Variants in ARHGEF28 observed in about 807,000 individuals in gnomAD.
ARHGEF28 encodes Rho guanine nucleotide exchange factor 28.
Under a neutral mutation model 206.6 loss-of-function variants are expected in ARHGEF28, and 152 were observed. The ratio of observed to expected loss-of-function variants is 0.74; its 90% CI spans 0.64 to 0.84. ARHGEF28 has a LOEUF of 0.84. Ranked by LOEUF, ARHGEF28 falls within the 40% of genes least tolerant of loss-of-function variation. The pLI is 0.00. For missense variants in ARHGEF28, 2,028 were observed against 2,073.2 expected, an observed-to-expected ratio of 0.98 and a Z score of 0.42; for synonymous variants, 763 against 776.4, an observed-to-expected ratio of 0.98 and a Z score of 0.29.
At chr5:73,653,032 C>T (rs1744931263) in intron 1 of ARHGEF28, among the ~76,000 whole-genome samples, 2 of 152,214 alleles carry the variant, frequency 1.3e-5, no homozygotes, top group East Asian at 1.9e-4. Flanking sequence ...TTGGCATCAT[C>T]AGCCTAATGG....
At chr5:73,667,138 C>T (rs1746006699) in intron 1 of ARHGEF28, among the ~76,000 whole-genome samples, 1 of 149,362 alleles carries the variant, frequency 6.7e-6, no homozygotes, top group Non-Finnish European at 1.5e-5. Flanking sequence ...GAAAGAAAAC[C>T]TCATTGTGGT....
chr5:73,704,125 A>G (rs552502027), intron 2 of ARHGEF28, among the ~76,000 whole-genome samples: 1 of 152,100 alleles, frequency 6.6e-6, no homozygotes, highest in Non-Finnish European at 1.5e-5. Flanking sequence ...TTTGACTAAG[A>G]CAAGTTGCTG....
rs1350327978 is a variant in ARHGEF28 at position 73,904,075 on chromosome 5, TG to T, written c.4075-144del. On this transcript the variant is annotated intron_variant, in intron 31 of 35. Coordinates refer to ENST00000513042, the MANE Select transcript of ARHGEF28 (RefSeq NM_001177693.2). ...GTTTGATTCTATAGGCTTTTATTTC[TG>T]GGAGGAAACTGAGTCAGTATAGATA... The T allele has an allele frequency of 2.1e-5, 15 of 723,874 alleles. No individual in the cohort carries two copies. The African/African-American group carries it at 2.3e-4, about 11-fold the overall frequency. The allele number at this position is 723,874 out of a possible 1,614,324, so 44.8% of individuals were successfully genotyped here.
intron 2 of ARHGEF28, among the ~76,000 whole-genome samples, chr5:73,736,124 C>G (rs185168552): frequency 1.3e-5 from 2 of 152,232 alleles, no homozygotes; most frequent in South Asian, 2.1e-4. Flanking sequence ...AGAAAATAAT[C>G]TAAAAGAGGT....
chr5:73,745,924 T>A (rs1430940912), intron 2 of ARHGEF28, among the ~76,000 whole-genome samples: 2 of 152,106 alleles, frequency 1.3e-5, no homozygotes, highest in African/African-American at 4.8e-5. Context: ...ACCAGCAATG[T>A]TTACATTATT....
chr5:73,885,332 A>C (rs1761201517), intron 24 of ARHGEF28, among the ~76,000 whole-genome samples: 1 of 152,180 alleles, frequency 6.6e-6, no homozygotes, highest in Non-Finnish European at 1.5e-5. Context: ...GGTCAGACCC[A>C]TCCCTAGAAC....
chr5:73,739,903 C>T (rs1007486113), intron 2 of ARHGEF28, among the ~76,000 whole-genome samples: 3 of 149,590 alleles, frequency 2.0e-5, no homozygotes, highest in African/African-American at 7.3e-5. Flanking sequence ...TGTGATGGCT[C>T]ATGTCTGTAA....
At chr5:73,829,346 C>A (rs1757142066) in intron 9 of ARHGEF28, among the ~76,000 whole-genome samples, 1 of 152,116 alleles carries the variant, frequency 6.6e-6, no homozygotes, top group African/African-American at 2.4e-5. Context: ...AATCTAATTT[C>A]ATTGTTTTGT....
intron 2 of ARHGEF28, among the ~76,000 whole-genome samples, chr5:73,713,261 C>T (rs1749361529): frequency 6.6e-6 from 1 of 152,206 alleles, no homozygotes; most frequent in South Asian, 2.1e-4. Flanking sequence ...CAAATGCATG[C>T]AACCATTCTC....
chr5:73,750,102 G>A (rs900618560), intron 3 of ARHGEF28, 118 bp downstream of exon 3: 9 of 1,178,682 alleles, frequency 7.6e-6, no homozygotes, highest in Non-Finnish European at 9.6e-6. Flanking sequence ...AAGGTCAGGA[G>A]TGTGTGCGTG....
chr5:73,824,277 T>C (rs1449854250), intron 9 of ARHGEF28, among the ~76,000 whole-genome samples: 1 of 152,170 alleles, frequency 6.6e-6, no homozygotes, highest in East Asian at 1.9e-4. Flanking sequence ...CACAATCTGT[T>C]TGTAGCTGAG....
chr5:73,741,385 G>GTATATA (rs67973637), intron 2 of ARHGEF28, among the ~76,000 whole-genome samples: 10 of 21,846 alleles, frequency 4.6e-4, no homozygotes, highest in South Asian at 1.7e-3. Flanking sequence ...GTGTGTGTGT[G>GTATATA]TATATATATA....
intron 35 of ARHGEF28, among the ~76,000 whole-genome samples, chr5:73,926,838 T>A (rs1157853844): frequency 6.6e-6 from 1 of 152,210 alleles, no homozygotes; most frequent in Admixed American, 6.5e-5. Context: ...TTCTGCTCTG[T>A]GAGGTAATAG....
At chr5:73,916,256 A>G (rs565920878) in intron 35 of ARHGEF28, among the ~76,000 whole-genome samples, 7 of 152,330 alleles carry the variant, frequency 4.6e-5, no homozygotes, top group South Asian at 2.1e-4. Context: ...TGTGTAATCT[A>G]TATGGAAAGA....
intron 4 of ARHGEF28, 27 bp downstream of exon 4, chr5:73,753,229 A>G (rs1440544430): frequency 1.3e-6 from 2 of 1,513,686 alleles, no homozygotes; most frequent in Non-Finnish European, 1.8e-6. Flanking sequence ...AAATTCAGAT[A>G]TCCCCTCTGT....
intron 2 of ARHGEF28, among the ~76,000 whole-genome samples, chr5:73,738,932 T>C (rs1231703184): frequency 6.6e-6 from 1 of 152,130 alleles, no homozygotes; most frequent in East Asian, 1.9e-4. Flanking sequence ...AGTTGACAAA[T>C]TGTAGTCTTT....
rs748953008 is a variant in ARHGEF28 at position 73,845,316 on chromosome 5, T to C, written c.1428-952T>C. On this transcript the variant is annotated intron_variant, in intron 11 of 35. Transcript: ENST00000513042. ...CAGGCGTGAGCCACTGCGCCCAGCC[T>C]CAGAATCATCTTTTTTTAACCTCTA... 7.2e-4 allele frequency among the ~76,000 whole-genome samples: 110 copies of C among 152,196 alleles called. 1 individual carries two copies. Among genetic ancestry groups the C allele is most frequent in the Middle Eastern group, 6.8e-3 (2 of 294 alleles).
At chr5:73,802,328 G>T (rs1224030257) in intron 9 of ARHGEF28, among the ~76,000 whole-genome samples, 1 of 152,136 alleles carries the variant, frequency 6.6e-6, no homozygotes, top group African/African-American at 2.4e-5. Context: ...GAAGGGAGTG[G>T]GTTGATATTT....
intron 35 of ARHGEF28, among the ~76,000 whole-genome samples, chr5:73,932,809 T>C (rs1252727916): frequency 3.9e-5 from 5 of 126,908 alleles, no homozygotes; most frequent in Non-Finnish European, 6.6e-5. Context: ...TCTTTTTTTT[T>C]TTTTTTTTTT....
Sources: gnomAD v4.1 joint callset for allele counts (sites outside exome capture counted in the v4.1 genomes callset) on GRCh38, gnomAD v4.1.1 for gene constraint, MANE v1.5 for transcripts, NCBI Gene and HGNC (gene_info 2026-07-23, HGNC 2026-07-21) for gene names.